Variants in PDZD2 observed in about 807,000 individuals in gnomAD.
PDZD2 encodes the protein PDZ domain-containing protein 2.
A neutral mutation model predicts 220.7 loss-of-function variants in PDZD2; 90 were observed. That is an observed-to-expected ratio of 0.41 (90% confidence interval 0.34 to 0.49). The LOEUF is 0.49. PDZD2 is among the 20% of genes least tolerant of loss of function. PDZD2 has a pLI of 0.28. For missense variants in PDZD2, 3,174 were observed against 3,608.5 expected (o/e 0.88, Z 3.08); for synonymous variants, 1,375 against 1,450.5 (o/e 0.95, Z 1.18).
intron 6 of PDZD2, among the ~76,000 whole-genome samples, chr5:32,035,023 T>C (rs918291127): frequency 3.3e-5 from 5 of 152,248 alleles, no homozygotes; most frequent in Non-Finnish European, 7.3e-5. Context: ...TTGTTTTGTA[T>C]GTCAGAATTA....
intron 1 of PDZD2, among the ~76,000 whole-genome samples, chr5:31,768,044 A>G (rs1161335226): frequency 6.6e-6 from 1 of 152,208 alleles, no homozygotes; most frequent in East Asian, 1.9e-4. Context: ...GATTGTCACC[A>G]CATCTAGAGG....
chr5:31,787,002 A>T (rs1484980006), intron 1 of PDZD2, among the ~76,000 whole-genome samples: 1 of 152,212 alleles, frequency 6.6e-6, no homozygotes, highest in African/African-American at 2.4e-5. Flanking sequence ...ACTCTGGTGT[A>T]ATTAAAGAAT....
intron 2 of PDZD2, among the ~76,000 whole-genome samples, chr5:31,809,274 G>A (rs568880120): frequency 1.3e-5 from 2 of 152,314 alleles, no homozygotes; most frequent in South Asian, 4.1e-4. Flanking sequence ...ATCCAGCACA[G>A]TGAGAGAAAG....
chr5:31,739,338 T>G (rs1750108116), intron 1 of PDZD2, among the ~76,000 whole-genome samples: 1 of 152,208 alleles, frequency 6.6e-6, no homozygotes, highest in Non-Finnish European at 1.5e-5. Flanking sequence ...AAAGACAATT[T>G]TTTATTCATC....
At chr5:32,092,722 C>T (rs1348347345) in intron 20 of PDZD2, among the ~76,000 whole-genome samples, 185 bp from the exon 21 acceptor site, 2 of 152,180 alleles carry the variant, frequency 1.3e-5, no homozygotes, top group Non-Finnish European at 2.9e-5. Flanking sequence ...CAGTGAATGA[C>T]ATTTCTGTTC....
chr5:31,978,748 C>G (rs993022228), intron 2 of PDZD2, among the ~76,000 whole-genome samples: 2 of 149,348 alleles, frequency 1.3e-5, no homozygotes, highest in Non-Finnish European at 3.0e-5. Context: ...GAAAATACCC[C>G]CTATTTAAAG....
chr5:31,670,316 T>C lies in PDZD2; in HGVS notation c.-361+30879T>C, dbSNP rs529657961. On this transcript the variant is annotated intron_variant, in intron 1 of 24. Transcript: ENST00000438447. ...AGTCATATCAGGACTTTAGTTTGAC[T>C]TCCACAAATACTTTTGGTGAAGATT... Among the ~76,000 whole-genome samples the C allele has an allele frequency of 2.0e-5, 3 of 152,356 alleles. No homozygotes were observed. The East Asian group carries it at 5.8e-4, about 29-fold the overall frequency.
intron 23 of PDZD2, chr5:32,100,625 T>A: frequency 2.9e-6 from 1 of 339,114 alleles, no homozygotes; most frequent in Non-Finnish European, 5.8e-6. Context: ...GGCTTTGGAG[T>A]CCATTCTAAC....
chr5:31,840,423 TATA>T (rs1561499080), intron 2 of PDZD2: 7 of 123,200 alleles, frequency 5.7e-5, no homozygotes, highest in African/African-American at 2.2e-4. Flanking sequence ...TATATATATA[TATA>T]TATATATATA....
chr5:31,878,319 G>T (rs1739505644), intron 2 of PDZD2, among the ~76,000 whole-genome samples: 1 of 151,978 alleles, frequency 6.6e-6, no homozygotes, highest in Non-Finnish European at 1.5e-5. Flanking sequence ...CTGACAACTG[G>T]ATCCATCCCT....
intron 2 of PDZD2, among the ~76,000 whole-genome samples, chr5:31,940,075 T>C (rs1243649534): frequency 6.6e-6 from 1 of 152,224 alleles, no homozygotes; most frequent in African/African-American, 2.4e-5. Flanking sequence ...GTAGGTGATA[T>C]AGTCTCTCAC....
intron 2 of PDZD2, among the ~76,000 whole-genome samples, chr5:31,958,799 A>G (rs1747956540): frequency 6.6e-6 from 1 of 151,702 alleles, no homozygotes; most frequent in Admixed American, 6.6e-5. Context: ...TTTTTAAATA[A>G]CATCTTTTGT....
chr5:32,060,977 G>A (rs771984249), intron 13 of PDZD2, 25 bp from the exon 14 acceptor site: 2 of 1,613,422 alleles, frequency 1.2e-6, no homozygotes. Context: ...CTAACACAGA[G>A]TGTGGATTCT....
intron 24 of PDZD2, among the ~76,000 whole-genome samples, chr5:32,106,910 T>TATCA (rs1208352323): frequency 2.0e-5 from 3 of 152,352 alleles, no homozygotes; most frequent in Admixed American, 6.5e-5. Flanking sequence ...TAACTGCCTC[T>TATCA]ATCATTTACC....
chr5:31,656,507 A>G (rs1420050268), intron 1 of PDZD2, among the ~76,000 whole-genome samples: 5 of 152,054 alleles, frequency 3.3e-5, no homozygotes, highest in African/African-American at 9.7e-5. Context: ...AGGGATGTTG[A>G]TGGATTGGTT....
chr5:32,052,794 A>G, intron 9 of PDZD2, 64 bp downstream of exon 9: 2 of 1,518,614 alleles, frequency 1.3e-6, no homozygotes, highest in South Asian at 2.3e-5. Context: ...TTTTTGTTTT[A>G]TTTTATTTTA....
chr5:31,766,341 A>G (rs951098006), intron 1 of PDZD2, among the ~76,000 whole-genome samples: 1 of 152,180 alleles, frequency 6.6e-6, no homozygotes, highest in African/African-American at 2.4e-5. Flanking sequence ...AAAGAAGTCC[A>G]TGGTCAAATA....
rs1420106169 is a variant in PDZD2 at position 31,875,594 on chromosome 5, A to AT, written c.476+75870_476+75871insT. ...GAGTGAGACCCTGTTCAAAAAAAAAAAAAATATATATATATATTTTAAAAA... is the reference window on the plus strand; with the variant it reads ...GAGTGAGACCCTGTTCAAAAAAAAAATAAAATATATATATATATTTTAAAAA... On this transcript the variant is annotated intron_variant, in intron 2 of 24. Coordinates refer to ENST00000438447, the MANE Select transcript of PDZD2 (RefSeq NM_178140.4). Among the ~76,000 whole-genome samples, 49 of 144,778 alleles carry AT rather than the reference A, an allele frequency of 3.4e-4. No homozygotes were observed. The Middle Eastern group carries it at 0.011, about 32-fold the overall frequency. The allele number at this position is 144,778 out of a possible 152,430, so 95.0% of individuals were successfully genotyped here.
At position 32,098,703 on chromosome 5, in the gene PDZD2, T is replaced by G; in HGVS notation, c.8218+69T>G. 1.4e-6 allele frequency: 2 copies of G among 1,414,714 alleles called. No individual in the cohort carries two copies. 87.6% of individuals were successfully genotyped at this position (1,414,714 alleles called of 1,614,324 possible). ...AGAAAGAGGAGATTCTGGTTGAACATGAAGGAAAATAACAGCTAACTAACT... is the reference window on the plus strand; with the variant it reads ...AGAAAGAGGAGATTCTGGTTGAACAGGAAGGAAAATAACAGCTAACTAACT... On this transcript the variant is annotated intron_variant, in intron 23 of 24. Transcript: ENST00000438447. The surrounding 1 kb of genome is among the most constrained non-coding windows in gnomAD (Gnocchi z 4.1).
Sources: allele counts gnomAD v4.1 joint callset (sites outside exome capture counted in the v4.1 genomes callset), GRCh38; gene constraint gnomAD v4.1.1; non-coding constraint Gnocchi (gnomAD v3.1); transcripts MANE v1.5; gene names NCBI Gene and HGNC (gene_info 2026-07-23, HGNC 2026-07-21).